ANO2: variants seen among roughly 807,000 people sequenced by gnomAD.
ANO2 encodes anoctamin 2.
ANO2 carries 101 observed loss-of-function variants against 124.2 expected under a neutral mutation model. The ratio of observed to expected loss-of-function variants is 0.81; its 90% CI spans 0.69 to 0.96. The LOEUF is 0.96. Ranked by LOEUF, ANO2 falls within the 40% of genes least tolerant of loss-of-function variation. The pLI, the probability that ANO2 is intolerant of heterozygous loss-of-function variation, is 0.00. For missense variants in ANO2, 1,293 were observed against 1,274.5 expected, an observed-to-expected ratio of 1.01 and a Z score of -0.22; for synonymous variants, 486 against 482.5, an observed-to-expected ratio of 1.01 and a Z score of -0.09.
At chr12:5,698,263 TCAGG>T (rs1430512242) in intron 14 of ANO2, among the ~76,000 whole-genome samples, 1 of 152,138 alleles carries the variant, frequency 6.6e-6, no homozygotes, top group Non-Finnish European at 1.5e-5. Flanking sequence ...AGAGGAACGA[TCAGG>T]CAGCAACATT....
chr12:5,871,076 A>G (rs1324400411), intron 3 of ANO2, among the ~76,000 whole-genome samples: 2 of 152,188 alleles, frequency 1.3e-5, no homozygotes, highest in African/African-American at 4.8e-5. Context: ...GCATAAAGGC[A>G]CCACATGGGC....
chr12:5,711,860 TA>T (rs1949831077), intron 14 of ANO2, among the ~76,000 whole-genome samples: 1 of 152,194 alleles, frequency 6.6e-6, no homozygotes. Context: ...TCAATTAGCC[TA>T]AAAATGTACT....
At chr12:5,604,298 G>A (rs922564064) in intron 19 of ANO2, among the ~76,000 whole-genome samples, 11 of 152,092 alleles carry the variant, frequency 7.2e-5, no homozygotes, top group Non-Finnish European at 1.0e-4. Flanking sequence ...GGAGGAGGAG[G>A]AGGAGTTGTT....
At position 5,897,282 on chromosome 12, in the gene ANO2, G is replaced by C. The variant is rs117770455; in HGVS notation, c.534+23758C>G. Among the ~76,000 whole-genome samples the C allele has an allele frequency of 2.7e-3, 412 of 152,212 alleles. 2 individuals carry two copies. Among genetic ancestry groups the C allele is most frequent in the Middle Eastern group, 6.8e-3 (2 of 294 alleles). ...GGAAAATGGTGTTTCCAACAGGAAG[G>C]AATGTCCTACTGTGCTGAATATTGC... is the stretch of plus-strand genomic sequence containing the variant. On this transcript the variant is annotated intron_variant, in intron 3 of 24. Transcript: ENST00000682330.
chr12:5,798,580 G>A (rs979886879), intron 10 of ANO2, among the ~76,000 whole-genome samples: 1 of 152,176 alleles, frequency 6.6e-6, no homozygotes, highest in African/African-American at 2.4e-5. Context: ...TCAGGGCAGT[G>A]AGTCCACCAT....
chr12:5,699,001 A>G (rs1160665151), intron 14 of ANO2, among the ~76,000 whole-genome samples: 1 of 152,250 alleles, frequency 6.6e-6, no homozygotes, highest in African/African-American at 2.4e-5. Context: ...GAATGGAACC[A>G]AGCTGGAAAA....
intron 5 of ANO2, among the ~76,000 whole-genome samples, chr12:5,831,346 C>A (rs1954147008): frequency 6.6e-6 from 1 of 152,152 alleles, no homozygotes; most frequent in East Asian, 1.9e-4. Flanking sequence ...ATGAACCAGT[C>A]TTGAAGGACA....
intron 14 of ANO2, among the ~76,000 whole-genome samples, chr12:5,648,572 C>G (rs1039250540): frequency 6.6e-6 from 1 of 152,154 alleles, no homozygotes; most frequent in Non-Finnish European, 1.5e-5. Flanking sequence ...TGGTGGGGGA[C>G]AGGGGAGGGG....
intron 14 of ANO2, among the ~76,000 whole-genome samples, chr12:5,649,877 C>G (rs1219408900): frequency 6.6e-6 from 1 of 152,128 alleles, no homozygotes; most frequent in Non-Finnish European, 1.5e-5. Flanking sequence ...ATCTCCTGAC[C>G]TCGTGATCTG....
intron 17 of ANO2, among the ~76,000 whole-genome samples, chr12:5,613,874 G>A (rs1013077883): frequency 1.3e-5 from 2 of 152,124 alleles, no homozygotes; most frequent in Non-Finnish European, 2.9e-5. Flanking sequence ...ATTTGCTACT[G>A]CCACGAAATC....
intron 3 of ANO2, among the ~76,000 whole-genome samples, chr12:5,913,633 G>C (rs1013336497): frequency 6.6e-6 from 1 of 152,200 alleles, no homozygotes; most frequent in Non-Finnish European, 1.5e-5. Context: ...GCTCAGACAG[G>C]GTCCAAATCC....
chr12:5,775,888 G>T (rs1952220410), intron 10 of ANO2, among the ~76,000 whole-genome samples: 1 of 152,158 alleles, frequency 6.6e-6, no homozygotes, highest in African/African-American at 2.4e-5. Flanking sequence ...GACAGTAAAG[G>T]GCAGTAGTAA....
At chr12:5,775,487 A>C (rs1328059705) in intron 10 of ANO2, among the ~76,000 whole-genome samples, 2 of 127,262 alleles carry the variant, frequency 1.6e-5, no homozygotes, top group African/African-American at 3.1e-5. Context: ...TTTGAGATGG[A>C]GTCTCGCTCT....
chr12:5,726,898 G>A (rs1172798614), intron 14 of ANO2, among the ~76,000 whole-genome samples: 1 of 152,184 alleles, frequency 6.6e-6, no homozygotes, highest in Non-Finnish European at 1.5e-5. Flanking sequence ...TAATCTACCT[G>A]CATGACAGCT....
chr12:5,817,568 C>A (rs1167527160), intron 7 of ANO2, among the ~76,000 whole-genome samples: 1 of 152,094 alleles, frequency 6.6e-6, no homozygotes, highest in Non-Finnish European at 1.5e-5. Context: ...ATCTGGAGGA[C>A]AGCGATGTTT....
At chr12:5,741,143 C>T (rs1565630913) in intron 12 of ANO2, 1 of 152,246 alleles carries the variant, frequency 6.6e-6, no homozygotes, top group African/African-American at 2.4e-5. Flanking sequence ...TCACTACATG[C>T]CATGCCTGAC....
intron 4 of ANO2, among the ~76,000 whole-genome samples, chr12:5,843,870 A>G (rs1035761198): frequency 1.3e-5 from 2 of 152,204 alleles, no homozygotes; most frequent in African/African-American, 2.4e-5. Flanking sequence ...GGAACACCAT[A>G]CTAGAGTTTG....
At chr12:5,578,323 G>A in intron 21 of ANO2, 43 bp downstream of exon 21, 1 of 1,596,960 alleles carries the variant, frequency 6.3e-7, no homozygotes, top group Non-Finnish European at 8.5e-7. Context: ...GGACAGAATG[G>A]CAGAAGGATG....
chr12:5,568,716 A>G (rs1941929106), intron 23 of ANO2, among the ~76,000 whole-genome samples: 2 of 152,206 alleles, frequency 1.3e-5, no homozygotes, highest in South Asian at 4.1e-4. Flanking sequence ...CACCACCGTG[A>G]TGCTGCGTGT....
Sources: gnomAD v4.1 joint callset for allele counts (sites outside exome capture counted in the v4.1 genomes callset) on GRCh38, gnomAD v4.1.1 for gene constraint, MANE v1.5 for transcripts, NCBI Gene and HGNC (gene_info 2026-07-23, HGNC 2026-07-21) for gene names.